TGM6: variants seen among roughly 807,000 people sequenced by gnomAD.
TGM6 encodes the protein transglutaminase 6.
Under a neutral mutation model 77.5 loss-of-function variants are expected in TGM6, and 74 were observed. The observed-to-expected ratio is 0.96, with a 90% confidence interval of 0.79 to 1.16. The LOEUF (loss-of-function observed/expected upper bound fraction) is 1.16, where lower values mean the gene tolerates loss of function less well. Among genes scored for constraint, TGM6 ranks in the 50% most tolerant of loss-of-function variants. TGM6 has a pLI of 0.00. For missense variants in TGM6, 968 were observed against 940.2 expected, an observed-to-expected ratio of 1.03 and a Z score of -0.39; for synonymous variants, 383 against 378.9, an observed-to-expected ratio of 1.01 and a Z score of -0.12.
intron 4 of TGM6, among the ~76,000 whole-genome samples, chr20:2,397,434 T>G (rs1282560921): frequency 3.9e-5 from 6 of 152,090 alleles, no homozygotes; most frequent in Admixed American, 3.3e-4. Flanking sequence ...GAAGTTATAG[T>G]GAAGAGTTTA....
intron 2 of TGM6, 134 bp downstream of exon 2, chr20:2,394,759 G>A (rs2084651512): frequency 1.8e-6 from 2 of 1,090,852 alleles, no homozygotes; most frequent in Admixed American, 4.0e-5. Flanking sequence ...ACGGAGCCTT[G>A]AACCCTGGAG....
intron 10 of TGM6, among the ~76,000 whole-genome samples, chr20:2,426,486 C>T (rs542286374): frequency 3.3e-5 from 5 of 152,148 alleles, no homozygotes; most frequent in African/African-American, 1.2e-4. Context: ...TTCTTCCTTC[C>T]CAATCTGTAT....
chr20:2,404,890 C>T (rs1599954321), intron 9 of TGM6, among the ~76,000 whole-genome samples: 1 of 152,340 alleles, frequency 6.6e-6, no homozygotes, highest in South Asian at 2.1e-4. Flanking sequence ...ATCTACTCAC[C>T]TCAGCCTCCC....
At position 2,417,513 on chromosome 20, in the gene TGM6, C is replaced by G. The variant is rs772659335; in HGVS notation, c.1618C>G (p.Arg540Gly). The G allele has an allele frequency of 3.7e-6, 6 of 1,607,138 alleles. No homozygotes were observed. In the East Asian group the frequency reaches 1.3e-4, roughly 36 times the overall value. ...NLSGATILYT[R>G]KPVAEILHES... ...GAGCGGTGCCACCATCCTCTATACC[C>G]GCAAGCCAGTGGCAGAGATCCTGCA... The change falls in exon 10 of 13, where the codon CGC (arginine) becomes GGC (glycine). Residue 540 changes from arginine to glycine, a missense_variant. Coordinates refer to ENST00000202625, the MANE Select transcript of TGM6 (RefSeq NM_198994.3).
Position 2,399,715 on chromosome 20 carries a change from T to C in TGM6, c.827T>C (p.Val276Ala), listed in dbSNP as rs1176688615. ...CCAGTCAAGTACGGCCAGTGCTGGG[T>C]CTTCGCCGGAGTCCTGTGCACAGGT... is the stretch of plus-strand genomic sequence containing the variant. Reference protein sequence around the residue: ...YKPVKYGQCWVFAGVLCTVLR... With the variant: ...YKPVKYGQCWAFAGVLCTVLR... Residue 276 changes from valine (V) to alanine (A), a missense_variant, in exon 6 of 13, where the codon GTC becomes GCC. By Grantham distance (64) the Val-to-Ala change is moderately conservative (BLOSUM62 0). Coordinates refer to ENST00000202625, the MANE Select transcript of TGM6 (RefSeq NM_198994.3). 2 of 1,613,832 alleles carry C rather than the reference T, an allele frequency of 1.2e-6. No individual in the cohort carries two copies. The highest frequency in any genetic ancestry group is 3.3e-5 in the Admixed American group (2 of 60,008).
intron 10 of TGM6, among the ~76,000 whole-genome samples, chr20:2,427,037 G>A (rs2084892564): frequency 6.6e-6 from 1 of 152,012 alleles, no homozygotes; most frequent in African/African-American, 2.4e-5. Flanking sequence ...GTATTTCTCT[G>A]CTTCCATTTT....
At chr20:2,418,861 G>C (rs1290330472) in intron 10 of TGM6, among the ~76,000 whole-genome samples, 1 of 152,084 alleles carries the variant, frequency 6.6e-6, no homozygotes, top group Non-Finnish European at 1.5e-5. Context: ...TGGATCACGA[G>C]GTCAGGAGAT....
At chr20:2,394,800 G>A (rs186827883) in intron 2 of TGM6, among the ~76,000 whole-genome samples, 175 bp downstream of exon 2, 1 of 152,190 alleles carries the variant, frequency 6.6e-6, no homozygotes, top group Non-Finnish European at 1.5e-5. Flanking sequence ...GGGGGTGGTT[G>A]GGAGGTGCTG....
chr20:2,391,056 G>A (rs1031757604), intron 1 of TGM6, among the ~76,000 whole-genome samples: 34 of 152,010 alleles, frequency 2.2e-4, no homozygotes, highest in Admixed American at 2.2e-3. Flanking sequence ...AACCAATGGA[G>A]AGCTTGAGAA....
intron 1 of TGM6, among the ~76,000 whole-genome samples, 154 bp from the exon 2 acceptor site, chr20:2,394,294 AAAAC>A (rs570317209): frequency 0.013 from 1,921 of 152,214 alleles, 40 homozygotes; most frequent in African/African-American, 0.044. Context: ...ACCCTGTCTC[AAAAC>A]AAACAAACAA....
intron 10 of TGM6, among the ~76,000 whole-genome samples, chr20:2,418,690 T>C (rs1321031344): frequency 6.6e-6 from 1 of 152,238 alleles, no homozygotes; most frequent in Non-Finnish European, 1.5e-5. Flanking sequence ...GCCTAAAATT[T>C]ATCCTTAGTA....
At chr20:2,426,127 A>G (rs936871030) in intron 10 of TGM6, among the ~76,000 whole-genome samples, 6 of 152,192 alleles carry the variant, frequency 3.9e-5, no homozygotes, top group Admixed American at 6.5e-5. Context: ...GAGCCTTTCT[A>G]TCCATGAACA....
Position 2,399,637 on chromosome 20 carries a change from A to T in TGM6, c.749A>T (p.His250Leu). 1 of 1,613,584 alleles carries T rather than the reference A, an allele frequency of 6.2e-7. No individual in the cohort carries two copies. The change falls in exon 6 of 13, where the codon CAC (histidine) becomes CTC (leucine). Residue 250 changes from histidine (H) to leucine (L), a missense_variant. Transcript: ENST00000202625. ...GKYGGGTSPL[H>L]WRGSVAILQK... ...TACGGCGGCGGCACCAGCCCGCTGC[A>T]CTGGCGCGGCAGCGTGGCCATTCTG...
At chr20:2,414,619 A>G (rs1398192578) in intron 9 of TGM6, among the ~76,000 whole-genome samples, 1 of 152,234 alleles carries the variant, frequency 6.6e-6, no homozygotes, top group Non-Finnish European at 1.5e-5. Context: ...GAATATTTAT[A>G]GAAACACTAT....
chr20:2,393,279 A>C (rs2084640488), intron 1 of TGM6, among the ~76,000 whole-genome samples: 1 of 152,202 alleles, frequency 6.6e-6, no homozygotes, highest in African/African-American at 2.4e-5. Flanking sequence ...CAGCTGTCAT[A>C]CTATAAACAA....
At chr20:2,399,803 A>G (rs2084694273) in intron 6 of TGM6, 65 bp downstream of exon 6, 1 of 1,427,086 alleles carries the variant, frequency 7.0e-7, no homozygotes, top group Non-Finnish European at 9.6e-7. Context: ...AAATGTATTT[A>G]CATATATTTG....
intron 10 of TGM6, among the ~76,000 whole-genome samples, chr20:2,421,039 T>C (rs987560521): frequency 6.6e-6 from 1 of 152,074 alleles, no homozygotes; most frequent in Non-Finnish European, 1.5e-5. Context: ...CAGGCTAGAG[T>C]GCAGTGGTGC....
chr20:2,383,632 A>T (rs2084570684), intron 1 of TGM6, among the ~76,000 whole-genome samples: 1 of 152,230 alleles, frequency 6.6e-6, no homozygotes, highest in Non-Finnish European at 1.5e-5. Context: ...CAGTTTCTCC[A>T]TAGTGATGGG....
chr20:2,400,931 C>T (rs1416479160), intron 7 of TGM6, among the ~76,000 whole-genome samples: 1 of 152,126 alleles, frequency 6.6e-6, no homozygotes, highest in Non-Finnish European at 1.5e-5. Context: ...CCCAGCTACT[C>T]AGGAGGCTAA....
Sources: allele counts gnomAD v4.1 joint callset (sites outside exome capture counted in the v4.1 genomes callset), GRCh38; gene constraint gnomAD v4.1.1; transcripts MANE v1.5; gene names NCBI Gene and HGNC (gene_info 2026-07-23, HGNC 2026-07-21).